Variants in ETF1 observed in about 807,000 individuals in gnomAD.
The protein encoded by ETF1 is eukaryotic peptide chain release factor subunit 1.
In ETF1, 4 loss-of-function variants were observed where a neutral mutation model predicts 55.1. That is an observed-to-expected ratio of 0.07 (90% CI 0.04 to 0.17). The LOEUF is 0.17. Ranked by LOEUF, ETF1 falls within the 10% of genes least tolerant of loss-of-function variation. The pLI is 1.00. For synonymous variants in ETF1, 157 were observed against 182.3 expected, an observed-to-expected ratio of 0.86 and a Z score of 1.12; for missense variants, 142 against 523.6, an observed-to-expected ratio of 0.27 and a Z score of 7.11.
At chr5:138,512,246 A>G (rs1160546307) in intron 6 of ETF1, among the ~76,000 whole-genome samples, 2 of 9,316 alleles carry the variant, frequency 2.1e-4, no homozygotes, top group Non-Finnish European at 4.4e-4. Flanking sequence ...ATATATATAT[A>G]TATATATATA....
At chr5:138,522,735 G>A (rs1765285138) in intron 2 of ETF1, among the ~76,000 whole-genome samples, 1 of 152,222 alleles carries the variant, frequency 6.6e-6, no homozygotes, top group Non-Finnish European at 1.5e-5. Flanking sequence ...GGCCAGGTGT[G>A]GTGGCTCATG....
rs1421021559 is a variant in ETF1, at chr5:138,542,827, G to A, written c.86+6C>T. 1.9e-6 allele frequency: 3 copies of A among 1,612,042 alleles called. No homozygotes were observed. Among genetic ancestry groups the A allele is most frequent in the Non-Finnish European group, 2.5e-6 (3 of 1,179,652 alleles). ...GGGCACGGAGGGTGCCGGACGCGGCGCTCACCCGCGGGCCGCCTCCAAGCT... is the reference window on the plus strand; with the variant it reads ...GGGCACGGAGGGTGCCGGACGCGGCACTCACCCGCGGGCCGCCTCCAAGCT... On this transcript the variant is annotated splice_donor_region_variant and intron_variant, in intron 2 of 10. Transcript: ENST00000360541.
At chr5:138,510,705 T>G (rs1764742198) in intron 8 of ETF1, 76 bp from the exon 9 acceptor site, 1 of 1,572,778 alleles carries the variant, frequency 6.4e-7, no homozygotes, top group Non-Finnish European at 8.6e-7. Flanking sequence ...AAGATGAGGT[T>G]AGATGAGAAA....
intron 2 of ETF1, among the ~76,000 whole-genome samples, chr5:138,523,489 A>G (rs1025948543): frequency 3.9e-5 from 6 of 152,028 alleles, no homozygotes; most frequent in African/African-American, 1.4e-4. Context: ...AGCCGAGACC[A>G]CGCCACTGCA....
At chr5:138,515,126 G>A (rs1344461582) in intron 4 of ETF1, among the ~76,000 whole-genome samples, 2 of 152,150 alleles carry the variant, frequency 1.3e-5, no homozygotes, top group Non-Finnish European at 2.9e-5. Context: ...CTAGATAGTT[G>A]GCATTAAGAC....
chr5:138,529,646 C>G, intron 2 of ETF1: 1 of 985,412 alleles, frequency 1.0e-6, no homozygotes, highest in Non-Finnish European at 1.2e-6. Context: ...CTTATCAAAG[C>G]TTTCATCAAT....
At chr5:138,514,950 T>C (rs1764956715) in intron 4 of ETF1, among the ~76,000 whole-genome samples, 1 of 152,218 alleles carries the variant, frequency 6.6e-6, no homozygotes, top group Non-Finnish European at 1.5e-5. Context: ...CCATTCCATT[T>C]TATTTTTATA....
intron 2 of ETF1, among the ~76,000 whole-genome samples, chr5:138,528,500 T>C (rs1417746152): frequency 6.6e-6 from 1 of 152,220 alleles, no homozygotes; most frequent in Non-Finnish European, 1.5e-5. Flanking sequence ...CACCTAAGAA[T>C]GTAATCTTGT....
intron 9 of ETF1, among the ~76,000 whole-genome samples, chr5:138,509,681 G>C (rs1764686359): frequency 6.6e-6 from 1 of 151,686 alleles, no homozygotes. Flanking sequence ...GATCACCTGA[G>C]GTCAGGAGTT....
At chr5:138,521,340 AG>A (rs1329423432) in intron 2 of ETF1, among the ~76,000 whole-genome samples, 3 of 152,184 alleles carry the variant, frequency 2.0e-5, no homozygotes, top group African/African-American at 7.2e-5. Context: ...GGAACTAGGC[AG>A]TTGTTTAATA....
In ETF1 at chr5:138,508,335, G is replaced by T; in HGVS notation, c.1284C>A (p.Asp428Glu). 6.2e-7 allele frequency: 1 copy of T among 1,613,904 alleles called. No individual in the cohort carries two copies. Among genetic ancestry groups the T allele is most frequent in the Non-Finnish European group, 8.5e-7 (1 of 1,179,984 alleles). Residue 428 changes from aspartate (D) to glutamate (E), a missense_variant, in exon 11 of 11, where the codon GAC (aspartate) becomes GAA (glutamate). Around this residue, in one of 5 missense-constraint regions of ETF1, gnomAD observed 82 missense variants for 232.9 expected, o/e 0.35. Transcript: ENST00000360541. Reference sequence around the variant, plus strand: ...AGTCATCAAGGTCAAAAAATTCATCGTCTCCTCCTTGGTATTCCATTCCCT... The same window carrying T: ...AGTCATCAAGGTCAAAAAATTCATCTTCTCCTCCTTGGTATTCCATTCCCT... ...DFQGMEYQGG[D>E]DEFFDLDDY
At position 138,506,859 on chromosome 5, in the gene ETF1, A is replaced by C. The variant is rs1396958365; in HGVS notation, c.*1446T>G. The C allele has an allele frequency of 6.6e-6, 1 of 152,666 alleles. No individual in the cohort carries two copies. The highest frequency in any genetic ancestry group is 1.5e-5 in the Non-Finnish European group (1 of 68,048). The allele number at this position is 152,666 out of a possible 1,614,324, so 9.5% of individuals were successfully genotyped here. ...AGTAAAGAACAGCAGTCAGGCACTAAAGTGTTAAAAGTACCCAATTTGAAA... is the reference window on the plus strand; with the variant it reads ...AGTAAAGAACAGCAGTCAGGCACTACAGTGTTAAAAGTACCCAATTTGAAA... On this transcript the variant is annotated 3_prime_UTR_variant, in exon 11 of 11. Coordinates refer to ENST00000360541, the MANE Select transcript of ETF1 (RefSeq NM_004730.4).
At chr5:138,513,130 T>A (rs1764880998) in intron 5 of ETF1, 176 bp from the exon 6 acceptor site, 3 of 985,320 alleles carry the variant, frequency 3.0e-6, no homozygotes, top group Non-Finnish European at 3.6e-6. Context: ...GACTACTAAG[T>A]CTATGTCAAG....
intron 2 of ETF1, among the ~76,000 whole-genome samples, chr5:138,528,102 T>C (rs1765553352): frequency 6.6e-6 from 1 of 152,158 alleles, no homozygotes; most frequent in Non-Finnish European, 1.5e-5. Flanking sequence ...TGTTGGTTTT[T>C]TAAAAAGCCG....
At chr5:138,541,020 C>T (rs905560845) in intron 2 of ETF1, among the ~76,000 whole-genome samples, 1 of 152,256 alleles carries the variant, frequency 6.6e-6, no homozygotes, top group South Asian at 2.1e-4. Context: ...GAGAATATAA[C>T]GTATGCAAAT....
chr5:138,540,124 T>C (rs1169501658), intron 2 of ETF1, among the ~76,000 whole-genome samples: 2 of 152,218 alleles, frequency 1.3e-5, no homozygotes, highest in Admixed American at 6.5e-5. Flanking sequence ...GATAACCACA[T>C]AGGATTATCT....
intron 6 of ETF1, 62 bp downstream of exon 6, chr5:138,512,698 TCACA>T (rs1488017847): frequency 1.4e-5 from 20 of 1,402,330 alleles, no homozygotes; most frequent in Non-Finnish European, 1.9e-5. Context: ...GTTCCAGTGC[TCACA>T]CAGAGGACTC....
At position 138,517,662 on chromosome 5, in the gene ETF1, C is replaced by T. The variant is rs1373148322; in HGVS notation, c.301G>A (p.Val101Ile). 1.3e-6 allele frequency: 2 copies of T among 1,588,446 alleles called. No individual in the cohort carries two copies. The highest frequency in any genetic ancestry group is 1.7e-6 in the Non-Finnish European group (2 of 1,162,836). ...NGLVVYCGTI[V>I]TEEGKEKKVN... ...TTCTTTTCCTTTCCTTCTTCTGTTACAATTGTTCCACAGTATACAACCAGA... is the reference window on the plus strand; with the variant it reads ...TTCTTTTCCTTTCCTTCTTCTGTTATAATTGTTCCACAGTATACAACCAGA... Residue 101 changes from valine (V) to isoleucine (I), a missense_variant, in exon 4 of 11, where the codon GTA (valine) becomes ATA (isoleucine). Physicochemically the swap from Val to Ile is conservative, Grantham distance 29 (BLOSUM62 3). Transcript: ENST00000360541.
chr5:138,509,239 A>G, intron 9 of ETF1: 1 of 929,230 alleles, frequency 1.1e-6, no homozygotes, highest in East Asian at 1.2e-4. Flanking sequence ...TATCATTTAA[A>G]CCTATCTCAT....
Sources: gnomAD v4.1 joint callset for allele counts (sites outside exome capture counted in the v4.1 genomes callset) on GRCh38, gnomAD v4.1.1 for gene constraint, gnomAD v4.1.1 regional missense constraint, MANE v1.5 for transcripts, NCBI Gene and HGNC (gene_info 2026-07-23, HGNC 2026-07-21) for gene names.